Variants in ZNF329 observed in about 807,000 individuals in gnomAD.
ZNF329 encodes the protein zinc finger protein 329.
A neutral mutation model predicts 26.6 loss-of-function variants in ZNF329; 15 were observed. That is an observed-to-expected ratio of 0.56 (90% CI 0.38 to 0.87). ZNF329 has a LOEUF of 0.87. ZNF329 is among the 40% of genes least tolerant of loss of function. ZNF329 has a pLI of 0.00. For missense variants in ZNF329, 651 were observed against 651.9 expected (o/e 1.00, Z 0.02); for synonymous variants, 239 against 233.5 (o/e 1.02, Z -0.21).
chr19:58,146,861 T>C (rs2075322348), intron 1 of ZNF329, among the ~76,000 whole-genome samples: 1 of 151,748 alleles, frequency 6.6e-6, no homozygotes, highest in Non-Finnish European at 1.5e-5. Flanking sequence ...TGCTCAATGG[T>C]GCCCAGGCTG....
chr19:58,127,207 A>T lies in ZNF329; in HGVS notation c.*671T>A, dbSNP rs887005980. On this transcript the variant is annotated 3_prime_UTR_variant, in exon 4 of 4. Transcript: ENST00000598312. ...AAAGCCTCTCTTTCTGATTACACTT[A>T]AAAAAGGTTGATTCAGGCCAGGCAG... is the stretch of plus-strand genomic sequence containing the variant. 4 of 152,188 alleles carry T rather than the reference A, an allele frequency of 2.6e-5. No homozygotes were observed. Among genetic ancestry groups the T allele is most frequent in the Non-Finnish European group, 5.9e-5 (4 of 68,062 alleles). The allele number at this position is 152,188 out of a possible 1,614,324, so 9.4% of individuals were successfully genotyped here.
intron 1 of ZNF329, among the ~76,000 whole-genome samples, chr19:58,144,396 A>ATATTTT (rs756544055): frequency 4.7e-5 from 6 of 127,662 alleles, no homozygotes; most frequent in African/African-American, 1.5e-4. Context: ...ATATATATAT[A>ATATTTT]TTTTTTTTTT....
chr19:58,149,561 T>C (rs1351371922), intron 1 of ZNF329, among the ~76,000 whole-genome samples: 1 of 152,098 alleles, frequency 6.6e-6, no homozygotes, highest in East Asian at 1.9e-4. Context: ...TCTATGCAAA[T>C]GCGGAACTTT....
At position 58,128,297 on chromosome 19, in the gene ZNF329, C is replaced by A. The variant is rs2146048116; in HGVS notation, c.1207G>T (p.Glu403Ter). The change falls in exon 4 of 4, where the codon GAA becomes TAA. Residue 403 changes from glutamate (E) to a stop codon, truncating the protein, a stop_gained. Coordinates refer to ENST00000598312, the MANE Select transcript of ZNF329 (RefSeq NM_024620.4). LOFTEE classifies it high-confidence loss of function. ...CTCTCGATGAAAGTCTTGCCACATT[C>A]TTTACATTCATAGGGTTTCTCCCCA... ...HSGEKPYECK[E>*]CGKTFIESAY... is the part of the protein sequence containing the mutation. 6.2e-7 allele frequency: 1 copy of A among 1,613,056 alleles called. No homozygotes were observed. The highest frequency in any genetic ancestry group is 8.5e-7 in the Non-Finnish European group (1 of 1,179,416).
In ZNF329 at chr19:58,127,705, G is replaced by A; in HGVS notation, c.*173C>T. ...CTGCCCTCATCCTAAGTTGTCTCTG[G>A]AGTTCCCCAATGAGCAGACTTAACA... On this transcript the variant is annotated 3_prime_UTR_variant, in exon 4 of 4. Coordinates refer to ENST00000598312, the MANE Select transcript of ZNF329 (RefSeq NM_024620.4). The A allele has an allele frequency of 1.6e-6, 1 of 609,516 alleles. No individual in the cohort carries two copies. The highest frequency in any genetic ancestry group is 2.7e-6 in the Non-Finnish European group (1 of 366,046). The allele number at this position is 609,516 out of a possible 1,614,324, so 37.8% of individuals were successfully genotyped here. A position where few individuals can be genotyped will look rare whatever the true frequency, so the allele number is the denominator to read the frequency against.
chr19:58,152,693 CTAA>C (rs987355600), upstream of ZNF329, among the ~76,000 whole-genome samples: 4 of 152,050 alleles, frequency 2.6e-5, no homozygotes, highest in Non-Finnish European at 5.9e-5. Flanking sequence ...CCTGTCTCTA[CTAA>C]AAATACAAAA....
At position 58,128,681 on chromosome 19, in the gene ZNF329, T is replaced by A. The variant is rs200843979; in HGVS notation, c.823A>T (p.Thr275Ser). Residue 275 changes from threonine (T) to serine (S), a missense_variant, in exon 4 of 4, where the codon ACA becomes TCA. Coordinates refer to ENST00000598312, the MANE Select transcript of ZNF329 (RefSeq NM_024620.4). ...CCTGTGTGAATTCTCTGGTGCTGTG[T>A]CAGAGCTGAGCCATCACTGAAAGCT... Reference protein sequence around the residue: ...GKAFSDGSALTQHQRIHTGEK... With the variant: ...GKAFSDGSALSQHQRIHTGEK... The A allele has an allele frequency of 3.7e-6, 6 of 1,605,292 alleles. No individual in the cohort carries two copies. The highest frequency in any genetic ancestry group is 5.1e-6 in the Non-Finnish European group (6 of 1,175,706).
Position 58,127,593 on chromosome 19 carries a change from T to G in ZNF329, c.*285A>C. The G allele has an allele frequency of 2.9e-6, 1 of 345,430 alleles. No individual in the cohort carries two copies. Among genetic ancestry groups the G allele is most frequent in the Non-Finnish European group, 5.3e-6 (1 of 190,284 alleles). 21.4% of individuals were successfully genotyped at this position (345,430 alleles called of 1,614,324 possible). A position where few individuals can be genotyped will look rare whatever the true frequency, so the allele number is the denominator to read the frequency against. On this transcript the variant is annotated 3_prime_UTR_variant, in exon 4 of 4. Transcript: ENST00000598312. ...TCTGAATGCATTCACAGGTTCTCTCTGTGGTGTCACCCCCATGTTTGCACA... is the reference window on the plus strand; with the variant it reads ...TCTGAATGCATTCACAGGTTCTCTCGGTGGTGTCACCCCCATGTTTGCACA...
intron 1 of ZNF329, among the ~76,000 whole-genome samples, chr19:58,150,214 G>A (rs159680): frequency 0.17 from 25,487 of 152,202 alleles, 2,485 homozygotes; most frequent in East Asian, 0.3. Context: ...AGTAAAACAT[G>A]ATTTTGCAAA....
At chr19:58,133,445 G>A (rs1300949071) in intron 3 of ZNF329, among the ~76,000 whole-genome samples, 4 of 152,018 alleles carry the variant, frequency 2.6e-5, no homozygotes, top group Non-Finnish European at 4.4e-5. Flanking sequence ...AATTAGCAGG[G>A]TGTGGTGGCA....
At chr19:58,145,251 A>G (rs1473758456) in intron 1 of ZNF329, among the ~76,000 whole-genome samples, 2 of 151,322 alleles carry the variant, frequency 1.3e-5, no homozygotes, top group Admixed American at 1.3e-4. Context: ...CAGATTCCCA[A>G]AGTGCTGGGA....
At chr19:58,133,492 T>C (rs2074994902) in intron 3 of ZNF329, among the ~76,000 whole-genome samples, 1 of 151,494 alleles carries the variant, frequency 6.6e-6, no homozygotes. Context: ...GAAGCTGAAG[T>C]AGGAGAATTG....
Position 58,150,232 on chromosome 19 carries a change from T to C in ZNF329, c.-208+520A>G, listed in dbSNP as rs1456614440. Among the ~76,000 whole-genome samples the C allele has an allele frequency of 2.0e-5, 3 of 152,068 alleles. No individual in the cohort carries two copies. In the East Asian group the frequency reaches 5.8e-4, roughly 29 times the overall value. On this transcript the variant is annotated intron_variant, in intron 1 of 3. Transcript: ENST00000598312. Reference sequence around the variant, plus strand: ...AAAACATGATTTTGCAAATATCAAATGGAAAAACACACAGGTGATCTAACA... The same window carrying C: ...AAAACATGATTTTGCAAATATCAAACGGAAAAACACACAGGTGATCTAACA...
At chr19:58,146,625 C>T (rs1215391646) in intron 1 of ZNF329, among the ~76,000 whole-genome samples, 2 of 151,744 alleles carry the variant, frequency 1.3e-5, no homozygotes, top group Non-Finnish European at 2.9e-5. Context: ...GTACTGCTGC[C>T]ATCTCGGCTC....
chr19:58,139,151 C>T (rs1389673084), intron 3 of ZNF329, among the ~76,000 whole-genome samples: 1 of 151,788 alleles, frequency 6.6e-6, no homozygotes, highest in East Asian at 1.9e-4. Flanking sequence ...GCTAACTCGC[C>T]TTGAGGAACA....
intron 3 of ZNF329, among the ~76,000 whole-genome samples, 186 bp downstream of exon 3, chr19:58,142,371 G>A (rs1449827493): frequency 6.6e-6 from 1 of 152,220 alleles, no homozygotes; most frequent in Non-Finnish European, 1.5e-5. Flanking sequence ...TAAATTGTAT[G>A]CTATGTGAAT....
chr19:58,147,457 G>C (rs980279183), intron 1 of ZNF329, among the ~76,000 whole-genome samples: 2 of 147,802 alleles, frequency 1.4e-5, no homozygotes, highest in African/African-American at 2.6e-5. Flanking sequence ...CGCCCCGTCC[G>C]GGAGGTGAGG....
intron 3 of ZNF329, among the ~76,000 whole-genome samples, chr19:58,140,604 AT>A (rs2075163703): frequency 6.6e-6 from 1 of 151,826 alleles, no homozygotes; most frequent in East Asian, 1.9e-4. Flanking sequence ...TTTAGTAGAG[AT>A]GGGGTTTCAC....
At position 58,128,401 on chromosome 19, in the gene ZNF329, T is replaced by C. The variant is rs1241470593; in HGVS notation, c.1103A>G (p.Glu368Gly). 1 of 1,614,134 alleles carries C rather than the reference T, an allele frequency of 6.2e-7. No individual in the cohort carries two copies. The highest frequency in any genetic ancestry group is 1.7e-5 in the Admixed American group (1 of 60,012). ...LTQHERTHTGEKPFECAECGK... is the reference protein window; with the variant it reads ...LTQHERTHTGGKPFECAECGK... Reference sequence around the variant, plus strand: ...GCACTCTGCACACTCAAAGGGCTTTTCTCCAGTGTGAGTCCTCTCATGCTG... The same window carrying C: ...GCACTCTGCACACTCAAAGGGCTTTCCTCCAGTGTGAGTCCTCTCATGCTG... Residue 368 changes from glutamate to glycine, a missense_variant, in exon 4 of 4, where the codon GAA becomes GGA. Transcript: ENST00000598312.
Sources: allele counts gnomAD v4.1 joint callset (sites outside exome capture counted in the v4.1 genomes callset), GRCh38; gene constraint gnomAD v4.1.1; transcripts MANE v1.5; gene names NCBI Gene and HGNC (gene_info 2026-07-23, HGNC 2026-07-21).